The following RBFOX1 variants were observed in gnomAD, a reference collection of about 807,000 sequenced individuals.
RBFOX1 encodes RNA binding protein fox-1 homolog 1.
A neutral mutation model predicts 57.7 loss-of-function variants in RBFOX1; 8 were observed. The observed-to-expected ratio is 0.14, with a 90% CI of 0.08 to 0.25. The LOEUF (loss-of-function observed/expected upper bound fraction) is 0.25, where lower values mean the gene tolerates loss of function less well. Ranked by LOEUF, RBFOX1 falls within the 10% of genes least tolerant of loss-of-function variation. The probability of loss-of-function intolerance (pLI) is 1.00; values close to 1 mark genes in which losing one functional copy is unlikely to be tolerated. For synonymous variants in RBFOX1, 326 were observed against 222.4 expected (o/e 1.47, Z -4.15); for missense variants, 611 against 548.5 (o/e 1.11, Z -1.14).
At chr16:6,715,542 C>T (rs763894881) in intron 3 of RBFOX1, among the ~76,000 whole-genome samples, 20 of 152,140 alleles carry the variant, frequency 1.3e-4, no homozygotes, top group Non-Finnish European at 2.6e-4. Context: ...AACTTTATTG[C>T]CTCCATCGCT....
At chr16:6,935,114 A>G (rs1049625519) in intron 3 of RBFOX1, among the ~76,000 whole-genome samples, 2 of 152,090 alleles carry the variant, frequency 1.3e-5, no homozygotes, top group Non-Finnish European at 2.9e-5. Flanking sequence ...AAAAGAAAAA[A>G]CAGCTTATTT....
At chr16:5,450,465 C>T (rs555572693) in intron 1 of RBFOX1, among the ~76,000 whole-genome samples, 2 of 152,174 alleles carry the variant, frequency 1.3e-5, no homozygotes, top group Non-Finnish European at 2.9e-5. Flanking sequence ...CATGCTCGAA[C>T]CCTGCTGCGG....
At chr16:7,257,559 T>G (rs1462368427) in intron 4 of RBFOX1, among the ~76,000 whole-genome samples, 1 of 152,072 alleles carries the variant, frequency 6.6e-6, no homozygotes, top group Non-Finnish European at 1.5e-5. Context: ...TGTCTCCCAT[T>G]CCAGCCCACC....
intron 3 of RBFOX1, among the ~76,000 whole-genome samples, chr16:5,753,217 T>C (rs954573917): frequency 1.3e-5 from 2 of 151,934 alleles, no homozygotes; most frequent in Non-Finnish European, 1.5e-5. Context: ...ACTTCAATAA[T>C]GGTCCTTTTT....
intron 3 of RBFOX1, among the ~76,000 whole-genome samples, chr16:5,637,418 C>G (rs1045291861): frequency 6.6e-6 from 1 of 152,040 alleles, no homozygotes. Flanking sequence ...TGACCCATAG[C>G]GAGTGAATTG....
At chr16:6,944,331 G>C (rs2079078419) in intron 3 of RBFOX1, among the ~76,000 whole-genome samples, 1 of 151,362 alleles carries the variant, frequency 6.6e-6, no homozygotes. Flanking sequence ...AGAGGCGGAG[G>C]TTGCAGTGTG....
intron 1 of RBFOX1, among the ~76,000 whole-genome samples, chr16:5,249,176 C>T (rs1327266842): frequency 6.6e-6 from 1 of 152,060 alleles, no homozygotes; most frequent in Middle Eastern, 3.2e-3. Flanking sequence ...GTGTGTTTTC[C>T]TTTTCCTTGT....
At chr16:7,089,015 G>C (rs1380063987) in intron 4 of RBFOX1, among the ~76,000 whole-genome samples, 2 of 152,098 alleles carry the variant, frequency 1.3e-5, no homozygotes, top group East Asian at 3.9e-4. Flanking sequence ...TAATCACATT[G>C]GTTCTTTGAC....
At chr16:7,151,822 A>G (rs762247461) in intron 4 of RBFOX1, among the ~76,000 whole-genome samples, 5 of 152,086 alleles carry the variant, frequency 3.3e-5, no homozygotes, top group African/African-American at 9.7e-5. Context: ...GCCACATGCA[A>G]CCTAGCTCCT....
intron 4 of RBFOX1, among the ~76,000 whole-genome samples, chr16:7,289,435 A>G (rs578040866): frequency 6.6e-6 from 1 of 152,150 alleles, no homozygotes; most frequent in African/African-American, 2.4e-5. Flanking sequence ...CATCACCATC[A>G]TCATTACCAT....
intron 1 of RBFOX1, among the ~76,000 whole-genome samples, chr16:5,255,141 C>G (rs2062551623): frequency 6.6e-6 from 1 of 152,134 alleles, no homozygotes; most frequent in Admixed American, 6.5e-5. Context: ...ATAAAGTGTT[C>G]TGAGGGTGGT....
chr16:5,317,110 C>T (rs889111638), intron 1 of RBFOX1, among the ~76,000 whole-genome samples: 2 of 152,158 alleles, frequency 1.3e-5, no homozygotes, highest in South Asian at 2.1e-4. Flanking sequence ...ACCATCTTCC[C>T]TGGTTTTCCA....
intron 1 of RBFOX1, among the ~76,000 whole-genome samples, chr16:6,266,859 T>G (rs1250155331): frequency 2.0e-5 from 3 of 152,190 alleles, no homozygotes; most frequent in Non-Finnish European, 4.4e-5. Flanking sequence ...TTGTCTGTCT[T>G]CTGTATGACA....
intron 4 of RBFOX1, among the ~76,000 whole-genome samples, chr16:7,384,718 G>T (rs2097848773): frequency 6.6e-6 from 1 of 152,192 alleles, no homozygotes; most frequent in Non-Finnish European, 1.5e-5. Context: ...ACGAAATAGA[G>T]ATGTAAGTCA....
intron 1 of RBFOX1, among the ~76,000 whole-genome samples, chr16:5,301,536 G>A (rs560941310): frequency 3.5e-5 from 5 of 143,322 alleles, no homozygotes; most frequent in African/African-American, 5.0e-5. Flanking sequence ...GGAGAATGGC[G>A]TGAACCCAGG....
chr16:5,452,683 A>C (rs1437677962), intron 1 of RBFOX1, among the ~76,000 whole-genome samples: 1 of 150,498 alleles, frequency 6.6e-6, no homozygotes, highest in Non-Finnish European at 1.5e-5. Flanking sequence ...TCACTCTGTC[A>C]CCCAGGCTGG....
intron 1 of RBFOX1, among the ~76,000 whole-genome samples, chr16:6,227,257 C>T (rs1365643259): frequency 6.6e-6 from 1 of 152,078 alleles, no homozygotes; most frequent in African/African-American, 2.4e-5. Context: ...TAAAACGCAC[C>T]CTCAGAGCGT....
chr16:6,195,196 A>G (rs2152818354), intron 1 of RBFOX1, among the ~76,000 whole-genome samples: 1 of 152,272 alleles, frequency 6.6e-6, no homozygotes, highest in East Asian at 1.9e-4. Flanking sequence ...CTTCTTACCT[A>G]CCGCCTTTTT....
intron 4 of RBFOX1, among the ~76,000 whole-genome samples, chr16:7,372,224 G>C (rs1309139695): frequency 6.6e-6 from 1 of 152,030 alleles, no homozygotes; most frequent in African/African-American, 2.4e-5. Context: ...CATCCTATTT[G>C]GGCCTCGGAG....
Sources: gnomAD v4.1 joint callset for allele counts (sites outside exome capture counted in the v4.1 genomes callset) on GRCh38, gnomAD v4.1.1 for gene constraint, MANE v1.5 for transcripts, NCBI Gene and HGNC (gene_info 2026-07-23, HGNC 2026-07-21) for gene names.